DST: variants seen among roughly 807,000 people sequenced by gnomAD.
DST encodes the protein bullous pemphigoid antigen.
Under a neutral mutation model 875.2 loss-of-function variants are expected in DST, and 253 were observed. The observed-to-expected ratio is 0.29, with a 90% CI of 0.26 to 0.32. DST has a LOEUF of 0.32. Ranked by LOEUF, DST falls within the 10% of genes least tolerant of loss-of-function variation. The pLI, the probability that DST is intolerant of heterozygous loss-of-function variation, is 1.00. For missense variants in DST, 8,287 were observed against 9,111.6 expected, an observed-to-expected ratio of 0.91 and a Z score of 3.68; for synonymous variants, 3,124 against 3,197.1, an observed-to-expected ratio of 0.98 and a Z score of 0.77.
chr6:56,592,038 G>A (rs2098284655), intron 49 of DST, 144 bp downstream of exon 49: 11 of 590,194 alleles, frequency 1.9e-5, no homozygotes, highest in Admixed American at 1.0e-4. Flanking sequence ...TGGAGAAATA[G>A]AGTCAAAACT....
At chr6:56,510,117 T>G (rs1419253140) in intron 73 of DST, among the ~76,000 whole-genome samples, 2 of 152,166 alleles carry the variant, frequency 1.3e-5, no homozygotes, top group Admixed American at 6.6e-5. Flanking sequence ...TATGAATATT[T>G]GAGTGTATCC....
intron 68 of DST, among the ~76,000 whole-genome samples, chr6:56,526,875 T>C (rs1218637661): frequency 6.6e-6 from 1 of 152,196 alleles, no homozygotes; most frequent in African/African-American, 2.4e-5. Flanking sequence ...TATTATTCTT[T>C]GCTTTCTGGG....
chr6:56,664,502 C>T (rs1451751870), intron 10 of DST, among the ~76,000 whole-genome samples: 5 of 152,140 alleles, frequency 3.3e-5, no homozygotes, highest in African/African-American at 9.7e-5. Flanking sequence ...CTATATCAAC[C>T]CTAACTCTTG....
At chr6:56,944,746 C>G (rs1818569924) in intron 2 of DST, among the ~76,000 whole-genome samples, 1 of 152,104 alleles carries the variant, frequency 6.6e-6, no homozygotes, top group African/African-American at 2.4e-5. Context: ...AATATGCATT[C>G]CCCAACTCTT....
chr6:56,470,188 G>T lies in DST; in HGVS notation c.22416C>A (p.Ala7472=). 6.2e-7 allele frequency: 1 copy of T among 1,612,358 alleles called. No homozygotes were observed. The highest frequency in any genetic ancestry group is 1.1e-5 in the South Asian group (1 of 90,832). ...GYIDYYEFVA[A]LHPNKDAYKP... ...TATATGCATCTTTATTTGGGTGAAG[G>T]GCTGCTACAAATTCATAGTAGTCAA... The change falls in exon 96 of 104, where the codon GCC becomes GCA. Residue 7472 remains alanine, a synonymous_variant. Transcript: ENST00000680361.
chr6:56,843,606 C>G (rs1301059818), intron 4 of DST: 100 of 983,576 alleles, frequency 1.0e-4, no homozygotes, highest in Admixed American at 1.2e-4. Flanking sequence ...GCGGGAGGAC[C>G]GGCGCGCTGC....
intron 37 of DST, among the ~76,000 whole-genome samples, chr6:56,612,127 T>C (rs1199263903): frequency 6.6e-6 from 1 of 152,204 alleles, no homozygotes; most frequent in South Asian, 2.1e-4. Context: ...CCCAGCACTT[T>C]GGGAGGCCAA....
intron 15 of DST, among the ~76,000 whole-genome samples, chr6:56,643,634 A>T (rs2152784255): frequency 6.6e-6 from 1 of 152,340 alleles, no homozygotes; most frequent in Admixed American, 6.5e-5. Context: ...AAAAATTCGC[A>T]TGAAGAAACA....
At chr6:56,512,618 C>G (rs938698863) in intron 72 of DST, among the ~76,000 whole-genome samples, 6 of 152,202 alleles carry the variant, frequency 3.9e-5, no homozygotes, top group African/African-American at 1.4e-4. Context: ...AGCTACCAAT[C>G]TTTTCCTGCA....
chr6:56,752,387 A>T (rs1009649195), intron 4 of DST, among the ~76,000 whole-genome samples: 1 of 152,142 alleles, frequency 6.6e-6, no homozygotes, highest in Non-Finnish European at 1.5e-5. Context: ...CTGTTCAAAA[A>T]GTTTTGAGAA....
In DST at chr6:56,695,126, CAAAAA is replaced by C. The variant is rs34456344; in HGVS notation, c.1047+4522_1047+4526del. 4.3e-5 allele frequency among the ~76,000 whole-genome samples: 3 copies of C among 70,094 alleles called. No homozygotes were observed. The Admixed American group carries it at 5.1e-4, about 12-fold the overall frequency. The allele number at this position is 70,094 out of a possible 152,430, so 46.0% of individuals were successfully genotyped here. On this transcript the variant is annotated intron_variant, in intron 9 of 103. Coordinates refer to ENST00000680361, the MANE Select transcript of DST (RefSeq NM_001374736.1). ...TGGGCGACAGAGCGAGACTCCCTCT[CAAAAA>C]AAAAAAAAAAAAAAAAGAGTTAGTT...
chr6:56,552,644 C>T lies in DST; in HGVS notation c.16148G>A (p.Gly5383Asp), dbSNP rs1489999843. The T allele has an allele frequency of 1.9e-6, 3 of 1,613,956 alleles. No homozygotes were observed. Among genetic ancestry groups the T allele is most frequent in the Non-Finnish European group, 2.5e-6 (3 of 1,179,886 alleles). ...KCSFLETKLQ[G>D]IGHFQNTIRE... ...AATGGTATTCTGGAAATGCCCAATG[C>T]CCTGAAGCTTGGTTTCTAAGAAAGA... Residue 5383 changes from glycine to aspartate, a missense_variant, in exon 61 of 104, where the codon GGC becomes GAC. Transcript: ENST00000680361.
At chr6:56,666,477 T>C (rs2152820878) in intron 10 of DST, among the ~76,000 whole-genome samples, 1 of 152,216 alleles carries the variant, frequency 6.6e-6, no homozygotes, top group African/African-American at 2.4e-5. Flanking sequence ...TCCTATTCTA[T>C]CTTGAGTATG....
In DST at chr6:56,464,760, G is replaced by A. The variant is rs2094499641; in HGVS notation, c.22688-4C>T. 1 of 1,587,450 alleles carries A rather than the reference G, an allele frequency of 6.3e-7. No individual in the cohort carries two copies. The highest frequency in any genetic ancestry group is 8.6e-7 in the Non-Finnish European group (1 of 1,165,164). On this transcript the variant is annotated splice_polypyrimidine_tract_variant and splice_region_variant and intron_variant, in intron 99 of 103. Transcript: ENST00000680361. ...ATTTTACTCCCATGATGATGAACTAGAAAAAATGACACAGGATACCAATCA... is the reference window on the plus strand; with the variant it reads ...ATTTTACTCCCATGATGATGAACTAAAAAAAATGACACAGGATACCAATCA...
At chr6:56,905,293 A>G (rs186226605) in intron 2 of DST, among the ~76,000 whole-genome samples, 1 of 152,214 alleles carries the variant, frequency 6.6e-6, no homozygotes, top group Admixed American at 6.5e-5. Context: ...GCTCTCTTCA[A>G]CCTTTAAGTG....
intron 4 of DST, among the ~76,000 whole-genome samples, chr6:56,812,092 A>G (rs2099760694): frequency 6.8e-6 from 1 of 146,052 alleles, no homozygotes; most frequent in Non-Finnish European, 1.5e-5. Flanking sequence ...ACAGAAAGAG[A>G]CTCTGACTCA....
Position 56,603,634 on chromosome 6 carries a change from G to A in DST, c.10871C>T (p.Pro3624Leu), listed in dbSNP as rs1490378584. 1 of 1,611,136 alleles carries A rather than the reference G, an allele frequency of 6.2e-7. No homozygotes were observed. Among genetic ancestry groups the A allele is most frequent in the East Asian group, 2.2e-5 (1 of 44,850 alleles). The change falls in exon 41 of 104, where the codon CCC (proline) becomes CTC (leucine). Residue 3624 changes from proline to leucine, a missense_variant. Pro to Leu is a moderately conservative substitution (Grantham distance 98). This residue lies in a region of DST where 3,138 missense variants were observed against 3,116.6 expected (regional missense o/e 1.01). Coordinates refer to ENST00000680361, the MANE Select transcript of DST (RefSeq NM_001374736.1). The stretch of plus-strand genomic sequence containing the variant: ...CAGAGATTCCTGGTTGTCTAAGGGG[G>A]GTTTCATATCTTGAAGCAATGTCAA... Reference protein sequence around the residue: ...EYLTLLQDMKPPLDNQESLDN... With the variant: ...EYLTLLQDMKLPLDNQESLDN...
intron 94 of DST, among the ~76,000 whole-genome samples, chr6:56,471,571 A>G (rs2094894763): frequency 6.6e-6 from 1 of 152,168 alleles, no homozygotes; most frequent in South Asian, 2.1e-4. Context: ...TCACTGGGAT[A>G]GCAGGTCCAG....
At chr6:56,510,840 C>T (rs1448586077) in intron 73 of DST, among the ~76,000 whole-genome samples, 1 of 152,058 alleles carries the variant, frequency 6.6e-6, no homozygotes, top group African/African-American at 2.4e-5. Flanking sequence ...CTTCTCATTG[C>T]CTTCTTGAGA....
Sources: gnomAD v4.1 joint callset for allele counts (sites outside exome capture counted in the v4.1 genomes callset) on GRCh38, gnomAD v4.1.1 for gene constraint, gnomAD v4.1.1 regional missense constraint, MANE v1.5 for transcripts, NCBI Gene and HGNC (gene_info 2026-07-23, HGNC 2026-07-21) for gene names.